NCAM2: variants seen among roughly 807,000 people sequenced by gnomAD.
NCAM2 encodes the protein N-CAM-2.
Under a neutral mutation model 98.1 loss-of-function variants are expected in NCAM2, and 30 were observed. The observed-to-expected ratio is 0.31, with a 90% CI of 0.23 to 0.41. The LOEUF (loss-of-function observed/expected upper bound fraction) is 0.41. Ranked by LOEUF, NCAM2 falls within the 10% of genes least tolerant of loss-of-function variation. NCAM2 has a pLI of 1.00. For missense variants in NCAM2, 867 were observed against 1,005.8 expected, an observed-to-expected ratio of 0.86 and a Z score of 1.87; for synonymous variants, 368 against 342.4, an observed-to-expected ratio of 1.07 and a Z score of -0.83.
chr21:21,252,403 C>T (rs959099305), intron 1 of NCAM2, among the ~76,000 whole-genome samples: 1 of 150,050 alleles, frequency 6.7e-6, no homozygotes, highest in African/African-American at 2.4e-5. Context: ...ATATACTCTC[C>T]TTTATTATAT....
At chr21:21,184,960 G>A (rs558127558) in intron 1 of NCAM2, among the ~76,000 whole-genome samples, 3 of 152,230 alleles carry the variant, frequency 2.0e-5, no homozygotes, top group African/African-American at 7.2e-5. Flanking sequence ...AGATGCATTT[G>A]TCTGAGGTGA....
At chr21:21,062,636 T>C (rs1477620269) in intron 1 of NCAM2, among the ~76,000 whole-genome samples, 1 of 152,204 alleles carries the variant, frequency 6.6e-6, no homozygotes, top group Non-Finnish European at 1.5e-5. Flanking sequence ...GCCGCCTAGT[T>C]TGTGGTACTT....
At chr21:21,049,927 G>T (rs2065073685) in intron 1 of NCAM2, among the ~76,000 whole-genome samples, 1 of 152,028 alleles carries the variant, frequency 6.6e-6, no homozygotes, top group Non-Finnish European at 1.5e-5. Flanking sequence ...GGTTTTTGAA[G>T]ATGTAAATAG....
At chr21:21,197,814 A>G (rs1601621420) in intron 1 of NCAM2, among the ~76,000 whole-genome samples, 1 of 152,160 alleles carries the variant, frequency 6.6e-6, no homozygotes, top group South Asian at 2.1e-4. Flanking sequence ...CTAGGCAACT[A>G]CTGAGGGGGT....
At chr21:21,450,918 A>C (rs2146127816) in intron 12 of NCAM2, among the ~76,000 whole-genome samples, 1 of 151,956 alleles carries the variant, frequency 6.6e-6, no homozygotes, top group East Asian at 1.9e-4. Flanking sequence ...ACACAGGTTA[A>C]ATGCTGCTTT....
intron 11 of NCAM2, among the ~76,000 whole-genome samples, chr21:21,425,781 T>C (rs1034278962): frequency 6.6e-6 from 1 of 152,052 alleles, no homozygotes; most frequent in Non-Finnish European, 1.5e-5. Context: ...ACTAGGTGAG[T>C]AGTGAAATGA....
At chr21:21,291,075 GT>G (rs1179950907) in intron 4 of NCAM2, among the ~76,000 whole-genome samples, 1 of 151,794 alleles carries the variant, frequency 6.6e-6, no homozygotes, top group Non-Finnish European at 1.5e-5. Context: ...CTGTAGATAT[GT>G]TAGAGGCTGG....
At chr21:21,535,475 A>T (rs1044400737) in intron 17 of NCAM2, among the ~76,000 whole-genome samples, 1 of 152,100 alleles carries the variant, frequency 6.6e-6, no homozygotes, top group Non-Finnish European at 1.5e-5. Flanking sequence ...TAGGTTTCTC[A>T]TCCTAAATCA....
chr21:21,210,965 CAA>C (rs1491301513), intron 1 of NCAM2, among the ~76,000 whole-genome samples: 3 of 98,542 alleles, frequency 3.0e-5, no homozygotes, highest in South Asian at 7.6e-4. Flanking sequence ...ATACTCTCCC[CAA>C]ACACACACAC....
chr21:21,461,304 G>T (rs73894702), intron 12 of NCAM2, among the ~76,000 whole-genome samples: 1 of 151,756 alleles, frequency 6.6e-6, no homozygotes, highest in Non-Finnish European at 1.5e-5. Context: ...TTTTATATAA[G>T]GCAAAGTTTT....
chr21:21,434,276 A>G (rs1301868371), intron 12 of NCAM2, among the ~76,000 whole-genome samples: 1 of 152,224 alleles, frequency 6.6e-6, no homozygotes, highest in Non-Finnish European at 1.5e-5. Flanking sequence ...AATGAGAGTC[A>G]GAAACTTGTT....
At chr21:21,327,709 C>G (rs999027042) in intron 6 of NCAM2, among the ~76,000 whole-genome samples, 3 of 152,096 alleles carry the variant, frequency 2.0e-5, no homozygotes, top group African/African-American at 4.8e-5. Flanking sequence ...CTCTTATACT[C>G]TCATTTAAAC....
chr21:21,235,729 A>T (rs997915648), intron 1 of NCAM2, among the ~76,000 whole-genome samples: 3 of 151,870 alleles, frequency 2.0e-5, no homozygotes, highest in African/African-American at 7.3e-5. Flanking sequence ...CTCAGCAGAA[A>T]ATTCACTCCT....
At chr21:21,375,524 G>A (rs1490442393) in intron 9 of NCAM2, among the ~76,000 whole-genome samples, 1 of 151,644 alleles carries the variant, frequency 6.6e-6, no homozygotes, top group Non-Finnish European at 1.5e-5. Flanking sequence ...AAAGGAGGAA[G>A]TGATGCCAAT....
At chr21:21,397,561 T>G (rs553795947) in intron 9 of NCAM2, among the ~76,000 whole-genome samples, 1 of 152,298 alleles carries the variant, frequency 6.6e-6, no homozygotes, top group Non-Finnish European at 1.5e-5. Context: ...GGGCCACAAC[T>G]TTGCTCCAAA....
At position 21,214,746 on chromosome 21, in the gene NCAM2, T is replaced by TATATATATATATATATATATATACAC. The variant is rs11268201; in HGVS notation, c.56-65831_56-65830insTATATATATATATATATATATACACA. 7.1e-4 allele frequency among the ~76,000 whole-genome samples: 71 copies of TATATATATATATATATATATATACAC among 100,558 alleles called. No homozygotes were observed. The East Asian group carries it at 7.6e-3, about 11-fold the overall frequency. 66.0% of individuals were successfully genotyped at this position (100,558 alleles called of 152,430 possible). A position where few individuals can be genotyped will look rare whatever the true frequency, so the allele number is the denominator to read the frequency against. ...CCATATATATATATATATATATATA[T>TATATATATATATATATATATATACAC]ACACTATATATACACATATATGTAA... On this transcript the variant is annotated intron_variant, in intron 1 of 17. Coordinates refer to ENST00000400546, the MANE Select transcript of NCAM2 (RefSeq NM_004540.5).
chr21:21,265,159 C>CATATATAATATATATACATACATATA, intron 1 of NCAM2, among the ~76,000 whole-genome samples: 1 of 103,846 alleles, frequency 9.6e-6, no homozygotes, highest in South Asian at 3.0e-4. Flanking sequence ...TACATATATA[C>CATATATAATATATATACATACATATA]TTATATATAT....
chr21:21,485,642 G>C (rs751729293), intron 15 of NCAM2, among the ~76,000 whole-genome samples: 17 of 152,108 alleles, frequency 1.1e-4, no homozygotes, highest in Non-Finnish European at 2.2e-4. Context: ...GAGTGTTTGT[G>C]TTTTTCACTT....
At chr21:21,316,888 T>C (rs943346450) in intron 5 of NCAM2, among the ~76,000 whole-genome samples, 1 of 152,198 alleles carries the variant, frequency 6.6e-6, no homozygotes. Flanking sequence ...AGCCCCTGTA[T>C]ATTGGTCCTT....
Sources: gnomAD v4.1 joint callset for allele counts (sites outside exome capture counted in the v4.1 genomes callset) on GRCh38, gnomAD v4.1.1 for gene constraint, MANE v1.5 for transcripts, NCBI Gene and HGNC (gene_info 2026-07-23, HGNC 2026-07-21) for gene names.